TACR3: variants seen among roughly 807,000 people sequenced by gnomAD.
TACR3 encodes tachykinin receptor 3.
In TACR3, 34 loss-of-function variants were observed where a neutral mutation model predicts 35.0. That is an observed-to-expected ratio of 0.97 (90% CI 0.74 to 1.30). The LOEUF (loss-of-function observed/expected upper bound fraction) is 1.30. TACR3 is among the 50% of genes most tolerant of loss of function. The pLI, the probability that TACR3 is intolerant of heterozygous loss-of-function variation, is 0.00. For synonymous variants in TACR3, 233 were observed against 221.1 expected (o/e 1.05, Z -0.48); for missense variants, 558 against 591.7 (o/e 0.94, Z 0.59).
chr4:103,638,226 T>C (rs1364117725), intron 3 of TACR3, among the ~76,000 whole-genome samples: 5 of 151,560 alleles, frequency 3.3e-5, no homozygotes, highest in Non-Finnish European at 7.4e-5. Flanking sequence ...AGCATGGTAC[T>C]GGTACCAAAA....
chr4:103,705,638 G>C (rs907079283), intron 1 of TACR3, among the ~76,000 whole-genome samples: 1 of 152,102 alleles, frequency 6.6e-6, no homozygotes, highest in African/African-American at 2.4e-5. Flanking sequence ...ATTTATATTG[G>C]GAGCATCATG....
chr4:103,662,323 C>A (rs1368593008), intron 1 of TACR3, among the ~76,000 whole-genome samples: 2 of 151,102 alleles, frequency 1.3e-5, no homozygotes, highest in South Asian at 2.1e-4. Context: ...CAGGTTCAAG[C>A]AATTCTCTTG....
intron 3 of TACR3, among the ~76,000 whole-genome samples, chr4:103,598,417 G>T (rs1269060939): frequency 6.6e-6 from 1 of 152,172 alleles, no homozygotes; most frequent in Non-Finnish European, 1.5e-5. Context: ...TGTTCACTCT[G>T]ATGGTAGTTT....
chr4:103,634,289 G>GAGAT (rs988753015), intron 3 of TACR3, among the ~76,000 whole-genome samples: 3 of 152,056 alleles, frequency 2.0e-5, no homozygotes, highest in African/African-American at 7.2e-5. Context: ...AACTTCAAAT[G>GAGAT]AGATAAATGT....
intron 1 of TACR3, among the ~76,000 whole-genome samples, chr4:103,681,723 G>T: frequency 6.7e-6 from 1 of 148,544 alleles, no homozygotes. Flanking sequence ...AAATCAGTGA[G>T]AACATAGAAA....
At chr4:103,708,647 C>T (rs1480972221) in intron 1 of TACR3, among the ~76,000 whole-genome samples, 1 of 152,194 alleles carries the variant, frequency 6.6e-6, no homozygotes, top group African/African-American at 2.4e-5. Flanking sequence ...TGGAACAAAG[C>T]TGGATGGAGA....
At chr4:103,673,067 C>T (rs373945800) in intron 1 of TACR3, among the ~76,000 whole-genome samples, 3 of 152,132 alleles carry the variant, frequency 2.0e-5, no homozygotes, top group African/African-American at 7.2e-5. Flanking sequence ...AGAGCTAGAT[C>T]CTTGACACGT....
rs1456068586 is a variant in TACR3 at position 103,587,789 on chromosome 4, C to G, written c.*1893G>C. 1 of 151,988 alleles carries G rather than the reference C, an allele frequency of 6.6e-6. No individual in the cohort carries two copies. The highest frequency in any genetic ancestry group is 2.4e-5 in the African/African-American group (1 of 41,406). 9.4% of individuals were successfully genotyped at this position (151,988 alleles called of 1,614,324 possible). A position where few individuals can be genotyped will look rare whatever the true frequency, so the allele number is the denominator to read the frequency against. ...AATATATGTTTTAAGAATGAACATTCAAAAACATTATATTCAAACAATTAG... is the reference window on the plus strand; with the variant it reads ...AATATATGTTTTAAGAATGAACATTGAAAAACATTATATTCAAACAATTAG... On this transcript the variant is annotated 3_prime_UTR_variant, in exon 5 of 5. Coordinates refer to ENST00000304883, the MANE Select transcript of TACR3 (RefSeq NM_001059.3).
chr4:103,655,516 G>T (rs999202780), intron 3 of TACR3, among the ~76,000 whole-genome samples: 1 of 151,914 alleles, frequency 6.6e-6, no homozygotes, highest in South Asian at 2.1e-4. Context: ...TTATTTAGTC[G>T]CATAACGATA....
At chr4:103,602,883 G>A (rs1578221723) in intron 3 of TACR3, among the ~76,000 whole-genome samples, 1 of 152,220 alleles carries the variant, frequency 6.6e-6, no homozygotes, top group East Asian at 1.9e-4. Context: ...ATCTCAAGCT[G>A]CATGCTGGGA....
intron 3 of TACR3, among the ~76,000 whole-genome samples, chr4:103,649,485 A>G (rs1343803291): frequency 6.6e-6 from 1 of 151,630 alleles, no homozygotes; most frequent in Non-Finnish European, 1.5e-5. Flanking sequence ...AGCCCCTTTG[A>G]GGCTGTTTTC....
At chr4:103,678,485 CTTTT>C (rs1388556430) in intron 1 of TACR3, among the ~76,000 whole-genome samples, 2 of 152,024 alleles carry the variant, frequency 1.3e-5, no homozygotes, top group African/African-American at 4.8e-5. Flanking sequence ...GTTGGCTTTT[CTTTT>C]TAATTGTATT....
intron 1 of TACR3, among the ~76,000 whole-genome samples, chr4:103,709,309 T>C (rs1299672507): frequency 6.6e-6 from 1 of 152,332 alleles, no homozygotes; most frequent in African/African-American, 2.4e-5. Flanking sequence ...GCGGATCTCT[T>C]GGCAGAAACT....
At chr4:103,688,405 A>C (rs1176870883) in intron 1 of TACR3, among the ~76,000 whole-genome samples, 2 of 151,824 alleles carry the variant, frequency 1.3e-5, no homozygotes, top group Non-Finnish European at 2.9e-5. Flanking sequence ...AATGGGATCT[A>C]ATTAAACTAA....
At chr4:103,627,502 C>T (rs576517176) in intron 3 of TACR3, among the ~76,000 whole-genome samples, 20 of 151,562 alleles carry the variant, frequency 1.3e-4, no homozygotes, top group Admixed American at 4.6e-4. Flanking sequence ...CCAGCCTGGG[C>T]GATAGAGCAA....
intron 1 of TACR3, among the ~76,000 whole-genome samples, chr4:103,683,132 A>G (rs913728811): frequency 2.6e-5 from 4 of 152,156 alleles, no homozygotes; most frequent in Non-Finnish European, 5.9e-5. Flanking sequence ...AAAAGTCTAC[A>G]GAAATCTAGA....
chr4:103,596,524 T>C (rs2110286453), intron 3 of TACR3, among the ~76,000 whole-genome samples: 1 of 152,270 alleles, frequency 6.6e-6, no homozygotes, highest in South Asian at 2.1e-4. Context: ...TCTAAATGCT[T>C]GGAATAAAAA....
At chr4:103,717,423 A>C (rs915714497) in intron 1 of TACR3, among the ~76,000 whole-genome samples, 5 of 152,154 alleles carry the variant, frequency 3.3e-5, no homozygotes, top group Admixed American at 2.6e-4. Context: ...TCATTAATTC[A>C]AACCAATGAC....
chr4:103,706,929 G>A (rs1176142122), intron 1 of TACR3, among the ~76,000 whole-genome samples: 2 of 152,142 alleles, frequency 1.3e-5, no homozygotes, highest in African/African-American at 4.8e-5. Context: ...GAGACAAAAA[G>A]ATACTTCAGT....
Sources: gnomAD v4.1 joint callset for allele counts (sites outside exome capture counted in the v4.1 genomes callset) on GRCh38, gnomAD v4.1.1 for gene constraint, MANE v1.5 for transcripts, NCBI Gene and HGNC (gene_info 2026-07-23, HGNC 2026-07-21) for gene names.